SUMF1: variants seen among roughly 807,000 people sequenced by gnomAD.
SUMF1 encodes the protein formylglycine-generating enzyme.
Under a neutral mutation model 47.6 loss-of-function variants are expected in SUMF1, and 48 were observed. That is an observed-to-expected ratio of 1.01 (90% CI 0.80 to 1.28). The LOEUF (loss-of-function observed/expected upper bound fraction) is 1.28. Among genes scored for constraint, SUMF1 ranks in the 50% most tolerant of loss-of-function variants. SUMF1 has a pLI of 0.00. For missense variants in SUMF1, 571 were observed against 485.4 expected, an observed-to-expected ratio of 1.18 and a Z score of -1.66; for synonymous variants, 230 against 192.1, an observed-to-expected ratio of 1.20 and a Z score of -1.63.
At chr3:4,314,011 A>T in intron 8 of SUMF1, 1 of 618,308 alleles carries the variant, frequency 1.6e-6, no homozygotes, top group East Asian at 2.9e-5. Context: ...GATATAAGCA[A>T]AAATGACAAG....
chr3:4,227,460 T>C (rs1193467722), intron 8 of SUMF1, among the ~76,000 whole-genome samples: 1 of 152,048 alleles, frequency 6.6e-6, no homozygotes, highest in Admixed American at 6.6e-5. Context: ...TGGAGATCCA[T>C]CGGCTTTCAT....
chr3:4,104,272 A>G (rs902237993), intron 8 of SUMF1, among the ~76,000 whole-genome samples: 6 of 152,074 alleles, frequency 3.9e-5, no homozygotes, highest in Middle Eastern at 3.2e-3. Flanking sequence ...GTCTGCCACC[A>G]TGTAAGATGT....
intron 8 of SUMF1, among the ~76,000 whole-genome samples, chr3:4,246,141 A>G (rs1384167186): frequency 6.6e-6 from 1 of 152,146 alleles, no homozygotes; most frequent in Non-Finnish European, 1.5e-5. Flanking sequence ...GCAGAAGTGC[A>G]CCGTTCCCCC....
intron 8 of SUMF1, among the ~76,000 whole-genome samples, chr3:4,262,812 A>C (rs549590199): frequency 6.6e-6 from 1 of 152,284 alleles, no homozygotes; most frequent in African/African-American, 2.4e-5. Flanking sequence ...TAGATGTGTC[A>C]ATAGGCGAGG....
chr3:4,130,165 G>C (rs1297250325), intron 8 of SUMF1, among the ~76,000 whole-genome samples: 1 of 152,138 alleles, frequency 6.6e-6, no homozygotes, highest in Non-Finnish European at 1.5e-5. Flanking sequence ...AAGACAGATG[G>C]ATCTTGGAGA....
At chr3:4,231,413 A>T (rs978056533) in intron 8 of SUMF1, among the ~76,000 whole-genome samples, 3 of 152,178 alleles carry the variant, frequency 2.0e-5, no homozygotes, top group African/African-American at 7.2e-5. Flanking sequence ...ACTTTTCTCA[A>T]ATAACACCAC....
chr3:4,443,832 G>T (rs759236831), intron 3 of SUMF1, among the ~76,000 whole-genome samples: 3 of 151,796 alleles, frequency 2.0e-5, no homozygotes, highest in Admixed American at 6.6e-5. Flanking sequence ...ACTGAAAATG[G>T]GTAAAAAGAA....
At chr3:4,407,736 G>C (rs1701420049) in intron 7 of SUMF1, among the ~76,000 whole-genome samples, 1 of 152,216 alleles carries the variant, frequency 6.6e-6, no homozygotes, top group Non-Finnish European at 1.5e-5. Context: ...TCCTAGAGAG[G>C]TGAAACTGTT....
intron 8 of SUMF1, among the ~76,000 whole-genome samples, chr3:4,221,852 ATG>A (rs1445982022): frequency 1.3e-5 from 2 of 152,112 alleles, no homozygotes; most frequent in Non-Finnish European, 2.9e-5. Context: ...AAAAGTTGGG[ATG>A]TATATATACT....
chr3:4,356,932 A>C (rs2125165345), downstream of SUMF1, among the ~76,000 whole-genome samples: 1 of 152,240 alleles, frequency 6.6e-6, no homozygotes, highest in East Asian at 1.9e-4. Context: ...GCACTTCCTA[A>C]ATCTAGTGAT....
chr3:4,148,680 T>C (rs1313537108), intron 8 of SUMF1, among the ~76,000 whole-genome samples: 1 of 152,140 alleles, frequency 6.6e-6, no homozygotes, highest in African/African-American at 2.4e-5. Context: ...CAAATGGTAA[T>C]GGCTATGTTC....
chr3:4,120,896 T>C (rs1693526103), intron 8 of SUMF1, among the ~76,000 whole-genome samples: 1 of 152,216 alleles, frequency 6.6e-6, no homozygotes, highest in Non-Finnish European at 1.5e-5. Context: ...CATGAATTTC[T>C]ATTTTCTCAT....
intron 8 of SUMF1, among the ~76,000 whole-genome samples, chr3:4,101,646 T>C (rs1363411080): frequency 6.6e-6 from 1 of 152,172 alleles, no homozygotes; most frequent in African/African-American, 2.4e-5. Flanking sequence ...GTATTTTTAA[T>C]GTTCTCACTG....
chr3:4,099,454 T>C (rs569714277), intron 8 of SUMF1, among the ~76,000 whole-genome samples: 12 of 152,178 alleles, frequency 7.9e-5, no homozygotes, highest in African/African-American at 2.9e-4. Context: ...ATAGAAGAAA[T>C]GTTCCTCAAC....
chr3:4,431,693 C>T (rs1702237811), intron 3 of SUMF1, among the ~76,000 whole-genome samples: 1 of 152,170 alleles, frequency 6.6e-6, no homozygotes, highest in African/African-American at 2.4e-5. Flanking sequence ...AGAGCAGCCA[C>T]CCCACATGAC....
At chr3:4,426,316 G>A (rs1702065916) in intron 3 of SUMF1, among the ~76,000 whole-genome samples, 1 of 152,188 alleles carries the variant, frequency 6.6e-6, no homozygotes. Context: ...TGAAGAAGGA[G>A]AGACAAGTAA....
rs532751379 is a variant in SUMF1, at chr3:4,253,037, A to C, written c.1014+123293T>G. The stretch of plus-strand genomic sequence containing the variant: ...ATTACACTTTATTATGTGTTTTTCC[A>C]TAAGAGTTTTAAATTTTTTAAAAAT... On this transcript the variant is annotated intron_variant and NMD_transcript_variant, in intron 8 of 12. Coordinates refer to the SUMF1 transcript ENST00000448413. Among the ~76,000 whole-genome samples the C allele has an allele frequency of 4.6e-5, 7 of 152,356 alleles. No individual in the cohort carries two copies. The South Asian group carries it at 1.4e-3, about 32-fold the overall frequency.
intron 8 of SUMF1, among the ~76,000 whole-genome samples, chr3:4,259,268 A>G (rs1020390806): frequency 5.3e-5 from 8 of 152,146 alleles, no homozygotes; most frequent in Non-Finnish European, 7.4e-5. Flanking sequence ...TATAATAAAA[A>G]TAAATAAATA....
At chr3:4,432,281 G>A (rs567805276) in intron 3 of SUMF1, among the ~76,000 whole-genome samples, 1 of 150,954 alleles carries the variant, frequency 6.6e-6, no homozygotes, top group East Asian at 1.9e-4. Context: ...TGCTTTCAGA[G>A]GTACTTCCAA....
Sources: allele counts gnomAD v4.1 joint callset (sites outside exome capture counted in the v4.1 genomes callset), GRCh38; gene constraint gnomAD v4.1.1; transcripts MANE v1.5; gene names NCBI Gene and HGNC (gene_info 2026-07-23, HGNC 2026-07-21).